Variants in PCCB observed in about 807,000 individuals in gnomAD.
PCCB encodes propionyl-CoA carboxylase beta chain, mitochondrial.
Under a neutral mutation model 60.7 loss-of-function variants are expected in PCCB, and 43 were observed. The observed-to-expected ratio is 0.71, with a 90% CI of 0.55 to 0.91. The LOEUF is 0.91. Ranked by LOEUF, PCCB falls within the 40% of genes least tolerant of loss-of-function variation. The pLI, the probability that PCCB is intolerant of heterozygous loss-of-function variation, is 0.00. For synonymous variants in PCCB, 276 were observed against 255.9 expected, an observed-to-expected ratio of 1.08 and a Z score of -0.75; for missense variants, 766 against 702.8, an observed-to-expected ratio of 1.09 and a Z score of -1.02.
chr3:136,293,710 G>C (rs750402220), intron 6 of PCCB, 46 bp from the exon 7 acceptor site: 1 of 1,181,128 alleles, frequency 8.5e-7, no homozygotes, highest in Admixed American at 1.7e-5. Flanking sequence ...GCTGTGACCA[G>C]CTCTGGTGCT....
intron 9 of PCCB, among the ~76,000 whole-genome samples, chr3:136,310,294 C>A (rs548780240): frequency 5.0e-4 from 75 of 151,230 alleles, no homozygotes; most frequent in Non-Finnish European, 3.2e-4. Context: ...ACCCAGGAGG[C>A]GGAGGTTGCG....
intron 10 of PCCB, among the ~76,000 whole-genome samples, chr3:136,317,814 C>A (rs1934964246): frequency 6.6e-6 from 1 of 152,204 alleles, no homozygotes. Flanking sequence ...CTGTGCCCCA[C>A]AGCTTTCTGG....
intron 5 of PCCB, among the ~76,000 whole-genome samples, chr3:136,282,263 A>G (rs1182369110): frequency 1.3e-5 from 2 of 152,216 alleles, no homozygotes; most frequent in South Asian, 2.1e-4. Flanking sequence ...TGTTTTATCA[A>G]ATTCTCCTCT....
intron 9 of PCCB, among the ~76,000 whole-genome samples, chr3:136,314,400 G>A (rs187106453): frequency 8.5e-4 from 130 of 152,204 alleles, no homozygotes; most frequent in African/African-American, 3.0e-3. Context: ...CTTTGGGCTG[G>A]GTGTGGTGGT....
chr3:136,300,945 A>G (rs558548355), intron 8 of PCCB, 85 bp from the exon 9 acceptor site: 448 of 942,824 alleles, frequency 4.8e-4, no homozygotes, highest in Non-Finnish European at 7.1e-4. Context: ...ATGACGTGTC[A>G]CCCCATTTCC....
intron 9 of PCCB, among the ~76,000 whole-genome samples, chr3:136,302,935 T>A (rs1275971724): frequency 2.5e-5 from 3 of 120,342 alleles, no homozygotes; most frequent in African/African-American, 5.0e-5. Context: ...AGTAAAAAAA[T>A]TTGCTGGGTG....
rs148056730 is a variant in PCCB at position 136,283,935 on chromosome 3, G to A, written c.642G>A (p.Thr214=). 5.3e-5 allele frequency: 85 copies of A among 1,607,480 alleles called. No individual in the cohort carries two copies. The highest frequency in any genetic ancestry group is 8.3e-5 in the Admixed American group (5 of 59,990). ...AVYSPALTDF[T]FMVKDTSYLF... ...ACTCCCCAGCCCTAACAGACTTCAC[G>A]TTCATGGTAAAGGTAAGAAAGAAGG... Residue 214 remains threonine, a synonymous_variant, in exon 6 of 15, where the codon ACG becomes ACA. Transcript: ENST00000251654.
intron 5 of PCCB, among the ~76,000 whole-genome samples, chr3:136,276,549 C>T (rs1942335327): frequency 6.6e-6 from 1 of 152,112 alleles, no homozygotes; most frequent in Non-Finnish European, 1.5e-5. Context: ...TGTGACTCTG[C>T]CTCTCTTGCA....
chr3:136,315,728 T>G (rs1226413425), intron 9 of PCCB, among the ~76,000 whole-genome samples: 1 of 151,604 alleles, frequency 6.6e-6, no homozygotes, highest in Non-Finnish European at 1.5e-5. Context: ...CTTGGGAGGC[T>G]GAGGTGAGAG....
intron 5 of PCCB, among the ~76,000 whole-genome samples, chr3:136,268,387 G>T (rs2108158900): frequency 6.6e-6 from 1 of 150,418 alleles, no homozygotes; most frequent in Non-Finnish European, 1.5e-5. Flanking sequence ...TTCTATGTCT[G>T]TCCTTAAAAT....
chr3:136,270,885 A>G (rs1942180497), intron 5 of PCCB, among the ~76,000 whole-genome samples: 1 of 152,008 alleles, frequency 6.6e-6, no homozygotes, highest in Non-Finnish European at 1.5e-5. Flanking sequence ...CATTTTCCTG[A>G]TAGTGATGTG....
intron 5 of PCCB, among the ~76,000 whole-genome samples, chr3:136,268,132 A>C (rs1251141184): frequency 2.2e-5 from 3 of 136,960 alleles, no homozygotes; most frequent in African/African-American, 8.6e-5. Flanking sequence ...GTATATATAT[A>C]TATATATATC....
chr3:136,321,637 C>T (rs1935114240), intron 10 of PCCB, among the ~76,000 whole-genome samples: 1 of 152,182 alleles, frequency 6.6e-6, no homozygotes, highest in South Asian at 2.1e-4. Flanking sequence ...AGTCACCTCC[C>T]TCCCTTGACA....
intron 7 of PCCB, among the ~76,000 whole-genome samples, 195 bp from the exon 8 acceptor site, chr3:136,297,757 G>C (rs555248267): frequency 2.1e-4 from 32 of 152,294 alleles, no homozygotes; most frequent in African/African-American, 6.0e-4. Flanking sequence ...GAGGGAACAT[G>C]TGCTGCATGA....
intron 1 of PCCB, among the ~76,000 whole-genome samples, chr3:136,254,230 GTTT>G: frequency 6.6e-6 from 1 of 150,802 alleles, no homozygotes; most frequent in South Asian, 2.1e-4. Context: ...GTTTGTTTTT[GTTT>G]TTTGAGACAG....
chr3:136,250,456 C>A lies in PCCB; in HGVS notation c.81C>A (p.Ser27Arg). The A allele has an allele frequency of 6.2e-7, 1 of 1,608,372 alleles. No homozygotes were observed. Among genetic ancestry groups the A allele is most frequent in the Non-Finnish European group, 8.5e-7 (1 of 1,177,612 alleles). The change falls in exon 1 of 15, where the codon AGC becomes AGA. Residue 27 changes from serine to arginine, a missense_variant. Transcript: ENST00000251654. ...GCGGTCTCCGCGCCGCGGTCCGCAG[C>A]CTTTGCAGCCAGGCCACCTCTGTTA... The part of the protein sequence containing the change: ...LASGLRAAVR[S>R]LCSQATSVNE...
At chr3:136,308,231 G>A (rs1934518067) in intron 9 of PCCB, among the ~76,000 whole-genome samples, 1 of 106,908 alleles carries the variant, frequency 9.4e-6, no homozygotes, top group African/African-American at 3.8e-5. Context: ...TAATAAGGAA[G>A]GACTTTTTTT....
At chr3:136,318,984 A>G (rs187999025) in intron 10 of PCCB, among the ~76,000 whole-genome samples, 39 of 152,270 alleles carry the variant, frequency 2.6e-4, no homozygotes, top group Admixed American at 2.4e-3. Context: ...TTTTGGGGAA[A>G]CACCATACTG....
At chr3:136,328,975 T>C in intron 14 of PCCB, 118 bp downstream of exon 14, 1 of 811,040 alleles carries the variant, frequency 1.2e-6, no homozygotes, top group Admixed American at 2.0e-5. Flanking sequence ...TGTTGACTAG[T>C]GAGGGTTGGG....
Sources: gnomAD v4.1 joint callset for allele counts (sites outside exome capture counted in the v4.1 genomes callset) on GRCh38, gnomAD v4.1.1 for gene constraint, MANE v1.5 for transcripts, NCBI Gene and HGNC (gene_info 2026-07-23, HGNC 2026-07-21) for gene names.